Variants in FOXP1 observed in about 807,000 individuals in gnomAD.
FOXP1 encodes the protein forkhead box P1.
FOXP1 carries 15 observed loss-of-function variants against 98.2 expected under a neutral mutation model. The observed-to-expected ratio is 0.15, with a 90% confidence interval of 0.10 to 0.24. FOXP1 has a LOEUF of 0.24. Among genes scored for constraint, FOXP1 ranks in the 10% least tolerant of loss-of-function variants. The pLI is 1.00. For missense variants in FOXP1, 633 were observed against 848.5 expected (o/e 0.75, Z 3.15); for synonymous variants, 371 against 314.5 (o/e 1.18, Z -1.90).
At chr3:71,155,272 A>G (rs1456610076) in intron 6 of FOXP1, among the ~76,000 whole-genome samples, 1 of 152,220 alleles carries the variant, frequency 6.6e-6, no homozygotes, top group African/African-American at 2.4e-5. Context: ...CTGAAACACA[A>G]TCTTACATTT....
intron 14 of FOXP1, among the ~76,000 whole-genome samples, chr3:70,979,305 A>AG (rs2038316873): frequency 1.7e-5 from 2 of 116,740 alleles, no homozygotes; most frequent in Admixed American, 1.0e-4. Context: ...AAAAAAAAAA[A>AG]AAAAAAAAAA....
intron 6 of FOXP1, among the ~76,000 whole-genome samples, chr3:71,138,887 A>G (rs1022168388): frequency 6.6e-6 from 1 of 152,160 alleles, no homozygotes; most frequent in African/African-American, 2.4e-5. Flanking sequence ...TTAACAGTGG[A>G]AAAACTGCCT....
chr3:71,131,271 A>G (rs1047024959), intron 6 of FOXP1, among the ~76,000 whole-genome samples: 14 of 152,126 alleles, frequency 9.2e-5, no homozygotes, highest in African/African-American at 3.4e-4. Flanking sequence ...ACCCGCCCCA[A>G]AATGATTGTC....
chr3:71,418,879 G>A (rs984294397), intron 3 of FOXP1, among the ~76,000 whole-genome samples: 1 of 151,208 alleles, frequency 6.6e-6, no homozygotes, highest in East Asian at 1.9e-4. Context: ...CAGATACTCA[G>A]GAGGGTGAGG....
chr3:71,086,579 A>G (rs905678481), intron 7 of FOXP1, among the ~76,000 whole-genome samples: 8 of 152,166 alleles, frequency 5.3e-5, no homozygotes, highest in African/African-American at 1.9e-4. Context: ...AACGGCTCCC[A>G]TCCCAGGCTA....
chr3:71,012,422 G>A (rs1048512283), intron 12 of FOXP1, among the ~76,000 whole-genome samples: 1 of 152,100 alleles, frequency 6.6e-6, no homozygotes, highest in African/African-American at 2.4e-5. Context: ...AATTGTAAAC[G>A]GCTGTTGCTT....
At chr3:71,034,903 G>A (rs1168512417) in intron 11 of FOXP1, among the ~76,000 whole-genome samples, 1 of 152,128 alleles carries the variant, frequency 6.6e-6, no homozygotes, top group Non-Finnish European at 1.5e-5. Context: ...CTGTCTGGTG[G>A]CTCCCCAGTG....
At chr3:71,513,996 G>A (rs540467252) in intron 2 of FOXP1, among the ~76,000 whole-genome samples, 4 of 152,292 alleles carry the variant, frequency 2.6e-5, no homozygotes, top group African/African-American at 9.6e-5. Flanking sequence ...GCTCCAATGA[G>A]TCTGTGCATA....
intron 4 of FOXP1, among the ~76,000 whole-genome samples, chr3:71,311,037 G>A (rs948990103): frequency 6.6e-6 from 1 of 152,156 alleles, no homozygotes; most frequent in Non-Finnish European, 1.5e-5. Context: ...CATGAAGGCA[G>A]GGATTTTATC....
chr3:71,318,096 C>A (rs1480058394), intron 4 of FOXP1, among the ~76,000 whole-genome samples: 5 of 150,940 alleles, frequency 3.3e-5, no homozygotes. Flanking sequence ...AAGAGTAAGT[C>A]ATTTTTAAAA....
intron 3 of FOXP1, among the ~76,000 whole-genome samples, chr3:71,489,639 G>A (rs970627583): frequency 6.6e-6 from 1 of 152,156 alleles, no homozygotes; most frequent in African/African-American, 2.4e-5. Context: ...TTCACACCAG[G>A]AAACAGGAGC....
chr3:71,342,029 G>T (rs941755708), intron 4 of FOXP1, among the ~76,000 whole-genome samples: 3 of 125,222 alleles, frequency 2.4e-5, no homozygotes, highest in African/African-American at 7.9e-5. Context: ...TGAATCTTAT[G>T]TTTTTTTCTG....
intron 9 of FOXP1, among the ~76,000 whole-genome samples, chr3:71,050,868 T>C (rs2049793716): frequency 6.6e-6 from 1 of 152,172 alleles, no homozygotes; most frequent in African/African-American, 2.4e-5. Context: ...AATTAGAGAG[T>C]TGTGACTTTG....
At chr3:71,343,415 T>G (rs73117126) in intron 4 of FOXP1, among the ~76,000 whole-genome samples, 4 of 152,154 alleles carry the variant, frequency 2.6e-5, no homozygotes, top group Admixed American at 6.5e-5. Context: ...CTGAACTAAA[T>G]AAAATAGCTG....
chr3:71,241,429 G>T (rs188906355), intron 5 of FOXP1, among the ~76,000 whole-genome samples: 1 of 152,002 alleles, frequency 6.6e-6, no homozygotes, highest in African/African-American at 2.4e-5. Flanking sequence ...TTTAACAGGG[G>T]GCCCTGTCAT....
In FOXP1 at chr3:71,000,172, G is replaced by A. The variant is rs529602942; in HGVS notation, c.1062+800C>T. 6.6e-4 allele frequency among the ~76,000 whole-genome samples: 100 copies of A among 152,000 alleles called. No homozygotes were observed. In the South Asian group the frequency reaches 0.021, roughly 32 times the overall value. The stretch of plus-strand genomic sequence containing the variant: ...GTAGTTTATCAAGTTATACCCGGAA[G>A]TAGAACTCACATTTAAAAAAAAAGG... On this transcript the variant is annotated intron_variant, in intron 13 of 20. Transcript: ENST00000649528.
intron 3 of FOXP1, among the ~76,000 whole-genome samples, chr3:71,396,754 C>T (rs2081403910): frequency 7.2e-6 from 1 of 138,684 alleles, no homozygotes; most frequent in South Asian, 2.1e-4. Flanking sequence ...AGTGTGGGTC[C>T]CTTCTAAGCG....
At chr3:71,444,617 T>C (rs1200579394) in intron 3 of FOXP1, among the ~76,000 whole-genome samples, 1 of 152,188 alleles carries the variant, frequency 6.6e-6, no homozygotes, top group Non-Finnish European at 1.5e-5. Context: ...TTTTCATTGG[T>C]GGGGCGCTTC....
At chr3:71,296,139 C>A (rs564406593) in intron 5 of FOXP1, 1 of 152,152 alleles carries the variant, frequency 6.6e-6, no homozygotes, top group Admixed American at 6.5e-5. Context: ...ATTTGCCTGG[C>A]GACTTTTATG....
Sources: allele counts gnomAD v4.1 joint callset (sites outside exome capture counted in the v4.1 genomes callset), GRCh38; gene constraint gnomAD v4.1.1; transcripts MANE v1.5; gene names NCBI Gene and HGNC (gene_info 2026-07-23, HGNC 2026-07-21).